The following RFTN2 variants were observed in gnomAD, a reference collection of about 807,000 sequenced individuals.
The protein encoded by RFTN2 is raftlin-2.
A neutral mutation model predicts 52.7 loss-of-function variants in RFTN2; 34 were observed. That is an observed-to-expected ratio of 0.64 (90% CI 0.49 to 0.86). RFTN2 has a LOEUF of 0.86. RFTN2 is among the 40% of genes least tolerant of loss of function. RFTN2 has a pLI of 0.00. For synonymous variants in RFTN2, 203 were observed against 217.7 expected (o/e 0.93, Z 0.59); for missense variants, 536 against 600.1 (o/e 0.89, Z 1.12).
intron 8 of RFTN2, among the ~76,000 whole-genome samples, chr2:197,587,779 CCCT>C (rs2087625815): frequency 2.0e-5 from 3 of 152,304 alleles, no homozygotes; most frequent in South Asian, 4.1e-4. Context: ...TCCTACCCCA[CCCT>C]CATTTCACAT....
At chr2:197,626,707 T>G (rs1043178804) in intron 5 of RFTN2, among the ~76,000 whole-genome samples, 6 of 138,756 alleles carry the variant, frequency 4.3e-5, no homozygotes, top group African/African-American at 1.6e-4. Context: ...CTGCAACCTC[T>G]GCCTCCTGGC....
intron 3 of RFTN2, among the ~76,000 whole-genome samples, chr2:197,635,542 G>A (rs1288592797): frequency 6.6e-6 from 1 of 150,798 alleles, no homozygotes; most frequent in Admixed American, 6.6e-5. Context: ...CTTCTTTTGA[G>A]AAGTGTCTGT....
chr2:197,590,933 T>C (rs977433744), intron 8 of RFTN2, among the ~76,000 whole-genome samples: 4 of 152,236 alleles, frequency 2.6e-5, no homozygotes, highest in Admixed American at 1.3e-4. Context: ...ACTCCCCAAG[T>C]GGGGAAGACG....
At chr2:197,602,706 A>G (rs1162081669) in intron 7 of RFTN2, among the ~76,000 whole-genome samples, 1 of 152,118 alleles carries the variant, frequency 6.6e-6, no homozygotes, top group Non-Finnish European at 1.5e-5. Flanking sequence ...CATTTGACCC[A>G]GTCATCCCAT....
intron 7 of RFTN2, among the ~76,000 whole-genome samples, chr2:197,602,684 G>A (rs2087898010): frequency 6.6e-6 from 1 of 152,018 alleles, no homozygotes; most frequent in Non-Finnish European, 1.5e-5. Context: ...GACTACAGGT[G>A]TGCGCCACCA....
chr2:197,622,958 T>C (rs919239453), intron 5 of RFTN2, among the ~76,000 whole-genome samples: 1 of 152,192 alleles, frequency 6.6e-6, no homozygotes, highest in Admixed American at 6.5e-5. Flanking sequence ...TTTCAAAATA[T>C]TATGCTTATT....
intron 3 of RFTN2, among the ~76,000 whole-genome samples, chr2:197,637,039 C>T (rs1363400315): frequency 1.3e-5 from 2 of 151,314 alleles, no homozygotes; most frequent in Admixed American, 1.3e-4. Flanking sequence ...TGCTGGATTA[C>T]ATTTATTGAT....
intron 7 of RFTN2, among the ~76,000 whole-genome samples, chr2:197,607,231 C>CA (rs1259124844): frequency 8.6e-5 from 13 of 151,862 alleles, no homozygotes; most frequent in Middle Eastern, 3.4e-3. Context: ...ATTGCAAGGA[C>CA]AAAAAACCAA....
At chr2:197,589,337 G>A (rs1411829412) in intron 8 of RFTN2, among the ~76,000 whole-genome samples, 1 of 149,144 alleles carries the variant, frequency 6.7e-6, no homozygotes, top group Non-Finnish European at 1.5e-5. Flanking sequence ...CTTCTGCCAT[G>A]ATTGTGAGGC....
chr2:197,630,842 T>C (rs1489353762), intron 5 of RFTN2, among the ~76,000 whole-genome samples, 169 bp downstream of exon 5: 3 of 152,202 alleles, frequency 2.0e-5, no homozygotes, highest in Non-Finnish European at 4.4e-5. Context: ...CTGAAGGAGC[T>C]TTAAGCTTTT....
intron 7 of RFTN2, among the ~76,000 whole-genome samples, chr2:197,600,510 C>T (rs191774615): frequency 3.3e-5 from 5 of 152,230 alleles, no homozygotes; most frequent in East Asian, 3.9e-4. Context: ...GCTCTAATCA[C>T]GGTAGACCTA....
chr2:197,661,537 G>A (rs1240677551), intron 1 of RFTN2, among the ~76,000 whole-genome samples: 2 of 151,984 alleles, frequency 1.3e-5, no homozygotes, highest in East Asian at 3.9e-4. Flanking sequence ...CCATTCTTCT[G>A]TTGGTGTACA....
At chr2:197,667,865 G>A (rs1173803678) in intron 1 of RFTN2, among the ~76,000 whole-genome samples, 2 of 152,144 alleles carry the variant, frequency 1.3e-5, no homozygotes, top group East Asian at 3.9e-4. Context: ...ACCCAGTGAG[G>A]CACATGTTGG....
chr2:197,659,497 AAAG>A (rs1200611181), intron 1 of RFTN2, among the ~76,000 whole-genome samples: 1 of 151,212 alleles, frequency 6.6e-6, no homozygotes, highest in South Asian at 2.1e-4. Flanking sequence ...AAAAAAAAAA[AAAG>A]AAATATTATT....
intron 8 of RFTN2, among the ~76,000 whole-genome samples, chr2:197,589,117 A>C (rs2087647880): frequency 6.9e-6 from 1 of 145,748 alleles, no homozygotes; most frequent in Non-Finnish European, 1.5e-5. Context: ...GCTACTCAGG[A>C]GGCTGAGGCA....
At chr2:197,659,690 G>C (rs1285667161) in intron 1 of RFTN2, among the ~76,000 whole-genome samples, 1 of 151,796 alleles carries the variant, frequency 6.6e-6, no homozygotes, top group East Asian at 1.9e-4. Context: ...GGTGGCGTGT[G>C]CCTGTAATCC....
chr2:197,619,768 TAA>T (rs1286342755), intron 5 of RFTN2, among the ~76,000 whole-genome samples: 20 of 145,816 alleles, frequency 1.4e-4, no homozygotes, highest in African/African-American at 4.8e-4. Flanking sequence ...ATAACAATAA[TAA>T]AATAAAATAA....
intron 8 of RFTN2, among the ~76,000 whole-genome samples, chr2:197,585,742 C>T (rs576486838): frequency 3.3e-5 from 5 of 152,280 alleles, no homozygotes; most frequent in South Asian, 4.1e-4. Context: ...CACCTCCGAA[C>T]TTCCTTTAAC....
chr2:197,582,109 C>T (rs958007844), intron 8 of RFTN2, among the ~76,000 whole-genome samples: 1 of 152,252 alleles, frequency 6.6e-6, no homozygotes, highest in Admixed American at 6.5e-5. Context: ...CTGTTTTAGG[C>T]TGGCCATCAT....
Sources: allele counts gnomAD v4.1 joint callset (sites outside exome capture counted in the v4.1 genomes callset), GRCh38; gene constraint gnomAD v4.1.1; transcripts MANE v1.5; gene names NCBI Gene and HGNC (gene_info 2026-07-23, HGNC 2026-07-21).